KIAA1217: variants seen among roughly 807,000 people sequenced by gnomAD.
KIAA1217 encodes the protein KIAA1217.
A neutral mutation model predicts 163.9 loss-of-function variants in KIAA1217; 88 were observed. That is an observed-to-expected ratio of 0.54 (90% confidence interval 0.45 to 0.64). KIAA1217 has a LOEUF of 0.64. Ranked by LOEUF, KIAA1217 falls within the 30% of genes least tolerant of loss-of-function variation. The pLI is 0.00. For synonymous variants in KIAA1217, 903 were observed against 923.1 expected, an observed-to-expected ratio of 0.98 and a Z score of 0.39; for missense variants, 2,372 against 2,475.0, an observed-to-expected ratio of 0.96 and a Z score of 0.88.
chr10:24,434,008 CCT>C (rs1158383682), intron 4 of KIAA1217, among the ~76,000 whole-genome samples: 53 of 125,972 alleles, frequency 4.2e-4, no homozygotes, highest in African/African-American at 7.7e-4. Flanking sequence ...TCTCTCTCTC[CCT>C]CTCTCTCTCT....
At chr10:24,236,047 C>T (rs1412398331) in intron 2 of KIAA1217, among the ~76,000 whole-genome samples, 1 of 152,048 alleles carries the variant, frequency 6.6e-6, no homozygotes, top group East Asian at 1.9e-4. Context: ...ACTGTAATTA[C>T]CTAACCTCTC....
At chr10:23,860,104 C>T (rs1839883613) in intron 1 of KIAA1217, among the ~76,000 whole-genome samples, 1 of 152,138 alleles carries the variant, frequency 6.6e-6, no homozygotes, top group African/African-American at 2.4e-5. Flanking sequence ...TTCTGATTTC[C>T]ATGGCCTCCT....
At chr10:24,432,622 AT>A (rs61444543) in intron 3 of KIAA1217, among the ~76,000 whole-genome samples, 43,450 of 149,380 alleles carry the variant, frequency 0.29, 6,405 homozygotes, top group East Asian at 0.34. Context: ...CACCCAGCTA[AT>A]TTTTTTTTTT....
chr10:24,480,324 A>G (rs1433427271), intron 6 of KIAA1217, among the ~76,000 whole-genome samples: 2 of 152,254 alleles, frequency 1.3e-5, no homozygotes, highest in East Asian at 3.8e-4. Flanking sequence ...TATTACCTCC[A>G]TTCTGCCCTC....
intron 3 of KIAA1217, among the ~76,000 whole-genome samples, chr10:24,381,270 G>A (rs1481536336): frequency 6.6e-6 from 1 of 152,110 alleles, no homozygotes; most frequent in Non-Finnish European, 1.5e-5. Flanking sequence ...TGATTTTGAG[G>A]CTGGGCACTT....
chr10:24,322,342 G>A (rs969085329), intron 2 of KIAA1217, among the ~76,000 whole-genome samples: 1 of 152,204 alleles, frequency 6.6e-6, no homozygotes, highest in East Asian at 1.9e-4. Flanking sequence ...AGCGGCCTGG[G>A]CAGCAGCAAT....
intron 1 of KIAA1217, among the ~76,000 whole-genome samples, chr10:24,000,194 C>A (rs368659785): frequency 6.6e-6 from 1 of 152,102 alleles, no homozygotes; most frequent in East Asian, 1.9e-4. Flanking sequence ...ATATAACTAG[C>A]GATATGGTTT....
chr10:23,991,759 GCGATAA>G (rs2131439778), intron 1 of KIAA1217, among the ~76,000 whole-genome samples: 1 of 152,228 alleles, frequency 6.6e-6, no homozygotes, highest in South Asian at 2.1e-4. Context: ...TCTAGGGAAG[GCGATAA>G]CATGCACACA....
intron 5 of KIAA1217, among the ~76,000 whole-genome samples, chr10:24,468,376 C>T (rs1046263136): frequency 4.6e-5 from 7 of 152,082 alleles, no homozygotes; most frequent in African/African-American, 1.7e-4. Context: ...TGTTTAGAGC[C>T]AAGGATGAAA....
At chr10:24,287,773 G>A (rs79404012) in intron 2 of KIAA1217, among the ~76,000 whole-genome samples, 39 of 152,256 alleles carry the variant, frequency 2.6e-4, no homozygotes, top group African/African-American at 7.7e-4. Context: ...ATTCATTACC[G>A]CTTTCTGGGA....
In KIAA1217 at chr10:24,399,864, AAAT is replaced by A. The variant is rs747969283; in HGVS notation, c.553+18808_553+18810del. 1.7e-3 allele frequency among the ~76,000 whole-genome samples: 261 copies of A among 152,330 alleles called. 1 individual carries two copies. Among genetic ancestry groups the A allele is most frequent in the Middle Eastern group, 0.014 (4 of 294 alleles). ...AGGATGAAATATAATAATAACAAAA[AAAT>A]AATAATAATACATGGCAAGTTTGAA... On this transcript the variant is annotated intron_variant, in intron 3 of 20. Coordinates refer to ENST00000376454, the MANE Select transcript of KIAA1217 (RefSeq NM_019590.5).
Position 24,171,563 on chromosome 10 carries a change from G to A in KIAA1217, c.-170-48063G>A, listed in dbSNP as rs1456066452. Among the ~76,000 whole-genome samples the A allele has an allele frequency of 2.0e-5, 3 of 152,208 alleles. No individual in the cohort carries two copies. In the East Asian group the frequency reaches 5.8e-4, roughly 29 times the overall value. On this transcript the variant is annotated intron_variant, in intron 2 of 18. Transcript: ENST00000376462. ...CTCACGCCTGTAATCCCAGCACTTT[G>A]GGAGGCTGAGGCGGATGGATCACCT...
intron 1 of KIAA1217, among the ~76,000 whole-genome samples, chr10:23,817,635 A>G (rs1228019296): frequency 6.6e-6 from 1 of 152,122 alleles, no homozygotes; most frequent in Admixed American, 6.6e-5. Context: ...CAATATCAAC[A>G]GATAGGAAAT....
rs113999532 is a variant in KIAA1217 at position 24,193,706 on chromosome 10, G to A, written c.-170-25920G>A. 3.8e-3 allele frequency among the ~76,000 whole-genome samples: 578 copies of A among 152,132 alleles called. 7 individuals are homozygous for A. The highest frequency in any genetic ancestry group is 0.014 in the African/African-American group (562 of 41,504). On this transcript the variant is annotated intron_variant, in intron 2 of 18. Coordinates refer to the KIAA1217 transcript ENST00000376462. ...AACTCCATCTGGGTCAACAGTAAATGAGGAAAGTGCTCAGTTCTTAACATT... is the reference window on the plus strand; with the variant it reads ...AACTCCATCTGGGTCAACAGTAAATAAGGAAAGTGCTCAGTTCTTAACATT...
chr10:24,334,177 C>T (rs2046038391), intron 2 of KIAA1217, among the ~76,000 whole-genome samples: 1 of 151,946 alleles, frequency 6.6e-6, no homozygotes, highest in Non-Finnish European at 1.5e-5. Context: ...GAAGATGAGC[C>T]CTTTTGTCTC....
intron 3 of KIAA1217, among the ~76,000 whole-genome samples, chr10:24,414,413 A>G (rs751851715): frequency 6.6e-6 from 1 of 152,222 alleles, no homozygotes; most frequent in Non-Finnish European, 1.5e-5. Flanking sequence ...TGTTTAATGC[A>G]TGTTATGATT....
chr10:24,464,037 C>T (rs537376919), intron 5 of KIAA1217, among the ~76,000 whole-genome samples: 1 of 152,302 alleles, frequency 6.6e-6, no homozygotes, highest in East Asian at 1.9e-4. Flanking sequence ...CCTGAAAGAG[C>T]CCTTCTCTGG....
chr10:24,181,751 T>G (rs1313706454), intron 2 of KIAA1217, among the ~76,000 whole-genome samples: 1 of 152,210 alleles, frequency 6.6e-6, no homozygotes, highest in African/African-American at 2.4e-5. Flanking sequence ...ATAGATTAGA[T>G]GGAATTTAGT....
intron 2 of KIAA1217, among the ~76,000 whole-genome samples, chr10:24,150,544 C>T (rs1324957371): frequency 2.0e-5 from 3 of 152,196 alleles, no homozygotes; most frequent in Admixed American, 6.5e-5. Flanking sequence ...ACCATTCCCT[C>T]CCTCCCTTCT....
Sources: gnomAD v4.1 joint callset for allele counts (sites outside exome capture counted in the v4.1 genomes callset) on GRCh38, gnomAD v4.1.1 for gene constraint, MANE v1.5 for transcripts, NCBI Gene and HGNC (gene_info 2026-07-23, HGNC 2026-07-21) for gene names.